Variants in RPRD2 observed in about 807,000 individuals in gnomAD.
RPRD2 encodes the protein regulation of nuclear pre-mRNA domain containing 2.
A neutral mutation model predicts 104.4 loss-of-function variants in RPRD2; 12 were observed. The ratio of observed to expected loss-of-function variants is 0.11; its 90% confidence interval spans 0.07 to 0.19. RPRD2 has a LOEUF of 0.19. Ranked by LOEUF, RPRD2 falls within the 10% of genes least tolerant of loss-of-function variation. The probability of loss-of-function intolerance (pLI) is 1.00; values close to 1 mark genes in which losing one functional copy is unlikely to be tolerated. For missense variants in RPRD2, 1,543 were observed against 1,790.1 expected, an observed-to-expected ratio of 0.86 and a Z score of 2.49; for synonymous variants, 714 against 684.9, an observed-to-expected ratio of 1.04 and a Z score of -0.66.
intron 1 of RPRD2, among the ~76,000 whole-genome samples, chr1:150,392,904 G>A (rs1164006871): frequency 1.3e-5 from 2 of 151,986 alleles, no homozygotes; most frequent in Non-Finnish European, 2.9e-5. Flanking sequence ...GAATAAAGAA[G>A]TATGAAGCAT....
intron 1 of RPRD2, among the ~76,000 whole-genome samples, chr1:150,385,020 C>T (rs1261465631): frequency 1.3e-5 from 2 of 151,918 alleles, no homozygotes; most frequent in African/African-American, 2.4e-5. Context: ...TAGCAAGACT[C>T]CATCTCTTAA....
rs376163699 is a variant in RPRD2, at chr1:150,397,270, G to A, written c.206-20326G>A. 1.3e-4 allele frequency among the ~76,000 whole-genome samples: 20 copies of A among 152,258 alleles called. No homozygotes were observed. The South Asian group carries it at 2.7e-3, about 21-fold the overall frequency. On this transcript the variant is annotated intron_variant, in intron 1 of 10. Transcript: ENST00000369068. ...ATTACAGGCGTCAGCCACTGCACCC[G>A]GCCACAACAGCAAGTCTTATTGATT...
chr1:150,369,759 C>T (rs748801019), intron 1 of RPRD2, among the ~76,000 whole-genome samples: 2 of 136,972 alleles, frequency 1.5e-5, no homozygotes, highest in African/African-American at 2.7e-5. Flanking sequence ...GCCCGGCCTA[C>T]ACCTGGCTAA....
At chr1:150,412,722 TA>T (rs1553887898) in intron 1 of RPRD2, among the ~76,000 whole-genome samples, 1 of 152,162 alleles carries the variant, frequency 6.6e-6, no homozygotes, top group East Asian at 1.9e-4. Flanking sequence ...ATATGATAAA[TA>T]ATTGGACAAT....
chr1:150,438,910 C>T (rs1311579147), intron 2 of RPRD2, among the ~76,000 whole-genome samples: 1 of 152,060 alleles, frequency 6.6e-6, no homozygotes, highest in Non-Finnish European at 1.5e-5. Context: ...TCTCAGCTCA[C>T]TGCAACCTTC....
At position 150,411,122 on chromosome 1, in the gene RPRD2, A is replaced by G. The variant is rs77335060; in HGVS notation, c.206-6474A>G. On this transcript the variant is annotated intron_variant, in intron 1 of 10. Coordinates refer to ENST00000369068, the MANE Select transcript of RPRD2 (RefSeq NM_015203.5). ...GGTGAGGATGTAAGTTAATATCTGTATCCTCTTTAAACAGTCCCTGGCATA... is the reference window on the plus strand; with the variant it reads ...GGTGAGGATGTAAGTTAATATCTGTGTCCTCTTTAAACAGTCCCTGGCATA... Among the ~76,000 whole-genome samples the G allele has an allele frequency of 8.4e-3, 1,278 of 152,260 alleles. 26 individuals are homozygous for G. The highest frequency in any genetic ancestry group is 0.029 in the African/African-American group (1,223 of 41,530).
chr1:150,432,122 A>G (rs112094458), intron 2 of RPRD2, among the ~76,000 whole-genome samples: 67 of 152,166 alleles, frequency 4.4e-4, no homozygotes, highest in Middle Eastern at 3.4e-3. Flanking sequence ...TTTTCCTTAA[A>G]AAAGGAATGA....
chr1:150,443,997 G>A (rs1190568637), intron 5 of RPRD2, among the ~76,000 whole-genome samples: 8 of 152,168 alleles, frequency 5.3e-5, no homozygotes, highest in Non-Finnish European at 7.3e-5. Flanking sequence ...CAACCTGGGC[G>A]ACAGAGCGAG....
chr1:150,372,621 C>G (rs782470812), intron 1 of RPRD2, among the ~76,000 whole-genome samples: 3 of 151,654 alleles, frequency 2.0e-5, no homozygotes, highest in Non-Finnish European at 4.4e-5. Flanking sequence ...AAATAGAAAG[C>G]AGGGAAGGGG....
Position 150,428,185 on chromosome 1 carries a change from C to T in RPRD2, c.335+10460C>T, listed in dbSNP as rs116910895. 7.5e-3 allele frequency among the ~76,000 whole-genome samples: 1,140 copies of T among 151,914 alleles called. 38 individuals carry two copies. Among genetic ancestry groups the T allele is most frequent in the Admixed American group, 0.056 (856 of 15,252 alleles). ...TTTTAGAATGAAAATCTATCCTCGC[C>T]GGGCGTGGTGGCTCCCAGCACTTTG... On this transcript the variant is annotated intron_variant, in intron 2 of 10. Coordinates refer to ENST00000369068, the MANE Select transcript of RPRD2 (RefSeq NM_015203.5).
rs587722910 is a variant in RPRD2, at chr1:150,431,903, T to C, written c.336-9020T>C. Among the ~76,000 whole-genome samples the C allele has an allele frequency of 4.6e-5, 7 of 152,274 alleles. No individual in the cohort carries two copies. In the East Asian group the frequency reaches 1.3e-3, roughly 29 times the overall value. ...ATGATGCCACTTACATCAGTCACCTTCAGTAGTCAAATTCAGAGACAGGAA... is the reference window on the plus strand; with the variant it reads ...ATGATGCCACTTACATCAGTCACCTCCAGTAGTCAAATTCAGAGACAGGAA... On this transcript the variant is annotated intron_variant, in intron 2 of 10. Transcript: ENST00000369068.
chr1:150,438,188 G>T (rs1265057522), intron 2 of RPRD2, among the ~76,000 whole-genome samples: 2 of 152,102 alleles, frequency 1.3e-5, no homozygotes, highest in Admixed American at 6.6e-5. Flanking sequence ...CACTTGGGAA[G>T]CTGAGGCAGA....
chr1:150,420,709 C>T (rs1358373649), intron 2 of RPRD2, among the ~76,000 whole-genome samples: 2 of 152,062 alleles, frequency 1.3e-5, no homozygotes, highest in African/African-American at 4.8e-5. Flanking sequence ...ACCTGTAATC[C>T]CAGCTACTCG....
intron 1 of RPRD2, among the ~76,000 whole-genome samples, chr1:150,372,510 C>G (rs1660392989): frequency 6.6e-6 from 1 of 151,662 alleles, no homozygotes; most frequent in Non-Finnish European, 1.5e-5. Context: ...CACACAGACA[C>G]ACACACACAC....
chr1:150,367,879 C>T (rs1225380590), intron 1 of RPRD2, among the ~76,000 whole-genome samples: 2 of 151,720 alleles, frequency 1.3e-5, no homozygotes, highest in Admixed American at 6.6e-5. Flanking sequence ...CGCACCACCA[C>T]GTCCAGCTAA....
At chr1:150,439,835 C>T (rs1666289829) in intron 2 of RPRD2, among the ~76,000 whole-genome samples, 1 of 152,080 alleles carries the variant, frequency 6.6e-6, no homozygotes, top group African/African-American at 2.4e-5. Context: ...AGTTTGATTC[C>T]TCTCCCTGAC....
At chr1:150,439,880 C>A (rs1261015625) in intron 2 of RPRD2, among the ~76,000 whole-genome samples, 5 of 152,070 alleles carry the variant, frequency 3.3e-5, no homozygotes, top group South Asian at 2.1e-4. Context: ...TTTTTTATTT[C>A]TTCTGCATTT....
At chr1:150,425,587 G>A (rs1222423732) in intron 2 of RPRD2, among the ~76,000 whole-genome samples, 3 of 151,732 alleles carry the variant, frequency 2.0e-5, no homozygotes, top group Non-Finnish European at 4.4e-5. Context: ...AGGTTGCAAT[G>A]TGCCGAGATT....
intron 1 of RPRD2, among the ~76,000 whole-genome samples, chr1:150,385,243 C>A (rs1389929710): frequency 6.6e-6 from 1 of 152,030 alleles, no homozygotes; most frequent in Non-Finnish European, 1.5e-5. Flanking sequence ...GGGAGGATTG[C>A]ATGAGCCTGG....
Sources: allele counts gnomAD v4.1 joint callset (sites outside exome capture counted in the v4.1 genomes callset), GRCh38; gene constraint gnomAD v4.1.1; transcripts MANE v1.5; gene names NCBI Gene and HGNC (gene_info 2026-07-23, HGNC 2026-07-21).